Variants in PTGES3 observed in about 807,000 individuals in gnomAD.
PTGES3 encodes Hsp90 co-chaperone.
Under a neutral mutation model 29.9 loss-of-function variants are expected in PTGES3, and 5 were observed. The ratio of observed to expected loss-of-function variants is 0.17; its 90% CI spans 0.09 to 0.35. PTGES3 has a LOEUF of 0.35. Ranked by LOEUF, PTGES3 falls within the 10% of genes least tolerant of loss-of-function variation. The probability of loss-of-function intolerance (pLI) is 1.00; values close to 1 mark genes in which losing one functional copy is unlikely to be tolerated. For missense variants in PTGES3, 128 were observed against 190.0 expected (o/e 0.67, Z 1.92); for synonymous variants, 49 against 57.8 (o/e 0.85, Z 0.69).
intron 1 of PTGES3, chr12:56,687,316 T>C: frequency 4.0e-6 from 4 of 989,704 alleles, no homozygotes; most frequent in Non-Finnish European, 4.8e-6. Context: ...CGGAACTACC[T>C]GCTCAATGGT....
intron 1 of PTGES3, among the ~76,000 whole-genome samples, chr12:56,679,898 C>T (rs1339902253): frequency 6.6e-6 from 1 of 152,076 alleles, no homozygotes. Flanking sequence ...TGATCTTTAA[C>T]TCCTGACCTC....
In PTGES3 at chr12:56,664,115, C is replaced by T. The variant is rs1393704981; in HGVS notation, c.*364G>A. 2 of 173,176 alleles carry T rather than the reference C, an allele frequency of 1.2e-5. No individual in the cohort carries two copies. Among genetic ancestry groups the T allele is most frequent in the East Asian group, 3.5e-4 (2 of 5,662 alleles). 10.7% of individuals were successfully genotyped at this position (173,176 alleles called of 1,614,324 possible). ...CTATAATCTAAAATTTATTCTCTTT[C>T]CCTAAGCTGAGAGCTTCCTATCATG... On this transcript the variant is annotated 3_prime_UTR_variant, in exon 8 of 8. Coordinates refer to ENST00000262033, the MANE Select transcript of PTGES3 (RefSeq NM_006601.7).
At chr12:56,683,153 G>C (rs577529236) in intron 1 of PTGES3, among the ~76,000 whole-genome samples, 2 of 151,800 alleles carry the variant, frequency 1.3e-5, no homozygotes, top group Non-Finnish European at 2.9e-5. Flanking sequence ...TTCAAGACCA[G>C]CCTGGCCAAG....
intron 1 of PTGES3, among the ~76,000 whole-genome samples, chr12:56,674,418 G>A (rs569204210): frequency 7.2e-5 from 11 of 152,208 alleles, no homozygotes; most frequent in African/African-American, 2.2e-4. Flanking sequence ...CAGGCCAGGC[G>A]CGGTGGCTCA....
intron 1 of PTGES3, among the ~76,000 whole-genome samples, chr12:56,673,457 C>A (rs1221752593): frequency 7.3e-6 from 1 of 137,714 alleles, no homozygotes; most frequent in Non-Finnish European, 1.5e-5. Flanking sequence ...CACAGCGAAA[C>A]CCCGACTCTA....
Position 56,672,857 on chromosome 12 carries a change from G to A in PTGES3, c.117-48C>T, listed in dbSNP as rs74815036. The A allele has an allele frequency of 4.0e-4, 613 of 1,546,234 alleles. 4 individuals carry two copies. In the East Asian group the frequency reaches 0.013, roughly 32 times the overall value. Reference sequence around the variant, plus strand: ...AATTAAGCCTCTTCAAAGAGACAAAGATTAATAATAACTTCAATGAAAAGA... The same window carrying A: ...AATTAAGCCTCTTCAAAGAGACAAAAATTAATAATAACTTCAATGAAAAGA... On this transcript the variant is annotated intron_variant, in intron 2 of 7. Coordinates refer to ENST00000262033, the MANE Select transcript of PTGES3 (RefSeq NM_006601.7).
intron 1 of PTGES3, among the ~76,000 whole-genome samples, chr12:56,686,369 T>C (rs1412762603): frequency 1.1e-5 from 1 of 94,938 alleles, no homozygotes; most frequent in Non-Finnish European, 2.4e-5. Context: ...TTTATATACA[T>C]TCAAATTTAT....
At chr12:56,666,176 A>G (rs749640019) in intron 6 of PTGES3, 28 bp downstream of exon 6, 3 of 1,590,354 alleles carry the variant, frequency 1.9e-6, no homozygotes, top group Non-Finnish European at 2.6e-6. Flanking sequence ...GTATGAAAGT[A>G]AACAGAAAAA....
intron 1 of PTGES3, among the ~76,000 whole-genome samples, chr12:56,682,585 C>T (rs1006993010): frequency 1.3e-5 from 2 of 151,776 alleles, no homozygotes; most frequent in African/African-American, 2.4e-5. Flanking sequence ...CGGAAAACCG[C>T]AAGTTCAAAG....
intron 1 of PTGES3, among the ~76,000 whole-genome samples, chr12:56,682,056 A>G (rs1952567097): frequency 6.6e-6 from 1 of 151,990 alleles, no homozygotes; most frequent in Non-Finnish European, 1.5e-5. Context: ...CATGTTGGCC[A>G]GGCTAGTCTG....
At chr12:56,671,688 AC>A in intron 4 of PTGES3, 60 bp downstream of exon 4, 1 of 1,080,464 alleles carries the variant, frequency 9.3e-7, no homozygotes, top group Non-Finnish European at 1.3e-6. Context: ...TCAAATAAGT[AC>A]ATCTTTTATT....
At chr12:56,680,386 C>CTT (rs1171435554) in intron 1 of PTGES3, among the ~76,000 whole-genome samples, 2 of 143,464 alleles carry the variant, frequency 1.4e-5, no homozygotes, top group African/African-American at 2.6e-5. Context: ...AATTTTCTTT[C>CTT]TTTTTTTTTT....
chr12:56,676,473 A>T lies in PTGES3; in HGVS notation c.3-3408T>A, dbSNP rs975699002. ...AAATTTGTTATGGAGGCAGTGAGAG[A>T]GTGATATTTGACCTTGAGTCTTTCT... On this transcript the variant is annotated intron_variant, in intron 1 of 7. Coordinates refer to ENST00000262033, the MANE Select transcript of PTGES3 (RefSeq NM_006601.7). 3.9e-5 allele frequency among the ~76,000 whole-genome samples: 6 copies of T among 152,128 alleles called. No homozygotes were observed. In the East Asian group the frequency reaches 9.6e-4, roughly 24 times the overall value.
At chr12:56,672,688 A>G in intron 3 of PTGES3, 52 bp downstream of exon 3, 1 of 1,490,170 alleles carries the variant, frequency 6.7e-7, no homozygotes, top group Non-Finnish European at 9.0e-7. Context: ...AATACTTGGT[A>G]TGTCTGTTTC....
intron 1 of PTGES3, among the ~76,000 whole-genome samples, chr12:56,683,854 G>C (rs1463556175): frequency 6.8e-6 from 1 of 147,582 alleles, no homozygotes; most frequent in South Asian, 2.2e-4. Flanking sequence ...AGCTACTCGG[G>C]AGGCTGAGGC....
At chr12:56,682,458 G>A (rs541499498) in intron 1 of PTGES3, among the ~76,000 whole-genome samples, 2 of 151,996 alleles carry the variant, frequency 1.3e-5, no homozygotes, top group East Asian at 3.9e-4. Context: ...ACTACTGGGG[G>A]ACCAAGGCAG....
chr12:56,685,394 CTTTTCTT>C (rs1259582004), intron 1 of PTGES3, among the ~76,000 whole-genome samples: 39 of 96,902 alleles, frequency 4.0e-4, no homozygotes, highest in African/African-American at 8.5e-4. Flanking sequence ...AGCATTTTTT[CTTTTCTT>C]TTTTTTTTTT....
At chr12:56,680,340 G>A (rs1413617627) in intron 1 of PTGES3, among the ~76,000 whole-genome samples, 1 of 151,750 alleles carries the variant, frequency 6.6e-6, no homozygotes, top group Non-Finnish European at 1.5e-5. Context: ...CCCCCAAAGT[G>A]GTGGGATTAT....
chr12:56,668,370 A>C (rs1951865117), intron 5 of PTGES3, among the ~76,000 whole-genome samples: 2 of 152,216 alleles, frequency 1.3e-5, no homozygotes, highest in Non-Finnish European at 2.9e-5. Context: ...GTACATATTC[A>C]AGAGATATGT....
Sources: gnomAD v4.1 joint callset for allele counts (sites outside exome capture counted in the v4.1 genomes callset) on GRCh38, gnomAD v4.1.1 for gene constraint, MANE v1.5 for transcripts, NCBI Gene and HGNC (gene_info 2026-07-23, HGNC 2026-07-21) for gene names.